The following POGZ variants were observed in gnomAD, a reference collection of about 807,000 sequenced individuals.
POGZ encodes pogo transposable element derived with ZNF domain.
A neutral mutation model predicts 134.6 loss-of-function variants in POGZ; 17 were observed. The ratio of observed to expected loss-of-function variants is 0.13; its 90% CI spans 0.09 to 0.19. The LOEUF (loss-of-function observed/expected upper bound fraction) is 0.19, where lower values mean the gene tolerates loss of function less well. POGZ is among the 10% of genes least tolerant of loss of function. The probability of loss-of-function intolerance (pLI) is 1.00; values close to 1 mark genes in which losing one functional copy is unlikely to be tolerated. For missense variants in POGZ, 1,306 were observed against 1,769.7 expected, an observed-to-expected ratio of 0.74 and a Z score of 4.70; for synonymous variants, 693 against 657.1, an observed-to-expected ratio of 1.05 and a Z score of -0.84.
At chr1:151,418,387 A>G (rs1488299121) in intron 10 of POGZ, among the ~76,000 whole-genome samples, 2 of 152,138 alleles carry the variant, frequency 1.3e-5, no homozygotes, top group Admixed American at 6.6e-5. Context: ...CTAAAAAAAA[A>G]AGTAGATCTC....
chr1:151,408,248 GGA>G lies in POGZ; in HGVS notation c.2235-10_2235-9del. 1 of 1,598,222 alleles carries G rather than the reference GGA, an allele frequency of 6.3e-7. No individual in the cohort carries two copies. Among genetic ancestry groups the G allele is most frequent in the Admixed American group, 1.8e-5 (1 of 54,920 alleles). The stretch of plus-strand genomic sequence containing the variant: ...TGCCGGCCCATGACACTCCTGTGGG[GGA>G]AAAAAAAAAAGAATTCTCATTACTG... On this transcript the variant is annotated splice_polypyrimidine_tract_variant and intron_variant, in intron 14 of 18. Transcript: ENST00000271715.
rs780937855 is a variant in POGZ, at chr1:151,411,646, T to C, written c.1905A>G (p.Gln635=). The change falls in exon 12 of 19, where the codon CAA becomes CAG. Residue 635 remains glutamine (Q), a synonymous_variant. Transcript: ENST00000271715. ...LKVFKNGNAF[Q]QHYMRHQKRN... is the part of the protein sequence containing the mutation. ...GTACCTGGTGCCTCATGTAATGCTGTTGGAATGCATTGCCATTTTTGAAGA... is the reference window on the plus strand; with the variant it reads ...GTACCTGGTGCCTCATGTAATGCTGCTGGAATGCATTGCCATTTTTGAAGA... 3.1e-6 allele frequency: 5 copies of C among 1,611,702 alleles called. No individual in the cohort carries two copies. The East Asian group carries it at 6.7e-5, about 22-fold the overall frequency.
At position 151,441,084 on chromosome 1, in the gene POGZ, A is replaced by C. The variant is rs1445317603; in HGVS notation, c.127T>G (p.Ser43Ala). 6.2e-7 allele frequency: 1 copy of C among 1,613,288 alleles called. No homozygotes were observed. Among genetic ancestry groups the C allele is most frequent in the African/African-American group, 1.3e-5 (1 of 75,044 alleles). ...GCCGAGACTGGCTGCTGGCTCACAG[A>C]AACTGTGGGGAAGGGGAGGCATAGT... ...YNSVDKTTTV[S>A]VSQQPVSAPV... The change falls in exon 3 of 19, where the codon TCT (serine) becomes GCT (alanine). Residue 43 changes from serine to alanine, a missense_variant and splice_region_variant. Around this residue, in one of 10 missense-constraint regions of POGZ, gnomAD observed 541 missense variants for 680.5 expected, o/e 0.80. Transcript: ENST00000271715.
intron 9 of POGZ, 149 bp downstream of exon 9, chr1:151,423,800 T>C: frequency 1.5e-6 from 1 of 679,980 alleles, no homozygotes; most frequent in Non-Finnish European, 2.4e-6. Flanking sequence ...CAATATCTCC[T>C]TCTATAGTCC....
Position 151,405,436 on chromosome 1 carries a change from C to A in POGZ, c.3599G>T (p.Ser1200Ile), listed in dbSNP as rs754348772. The change falls in exon 19 of 19, where the codon AGT (serine) becomes ATT (isoleucine). Residue 1200 changes from serine (S) to isoleucine (I), a missense_variant. Transcript: ENST00000271715. This position sits in a 1 kb window ranked among gnomAD's most constrained non-coding sequence, Gnocchi z 4.9. The part of the protein sequence containing the change: ...ILLEAKESGY[S>I]DDEIMELWST... ...CCACAGCTCCATGATCTCGTCATCA[C>A]TGTAGCCACTCTCCTTTGCCTCTAG... 1 of 1,614,214 alleles carries A rather than the reference C, an allele frequency of 6.2e-7. No homozygotes were observed. The highest frequency in any genetic ancestry group is 8.5e-7 in the Non-Finnish European group (1 of 1,180,034).
chr1:151,437,257 T>A (rs963644983), intron 3 of POGZ, among the ~76,000 whole-genome samples: 16 of 151,796 alleles, frequency 1.1e-4, no homozygotes, highest in Admixed American at 6.6e-4. Flanking sequence ...TTGTGGTTTG[T>A]CTTCTCCGTG....
chr1:151,411,098 AC>A (rs1654585810), intron 12 of POGZ, among the ~76,000 whole-genome samples: 1 of 151,922 alleles, frequency 6.6e-6, no homozygotes, highest in Non-Finnish European at 1.5e-5. Flanking sequence ...TGAACACATC[AC>A]TCCAGGGCTT....
chr1:151,458,799 TG>T (rs1363190306), intron 1 of POGZ, among the ~76,000 whole-genome samples: 1 of 142,344 alleles, frequency 7.0e-6, no homozygotes, highest in African/African-American at 2.5e-5. Context: ...TGCGGGGCCG[TG>T]GGGCGCGAGT....
chr1:151,431,094 T>C (rs1004696553), intron 3 of POGZ, among the ~76,000 whole-genome samples: 1 of 151,892 alleles, frequency 6.6e-6, no homozygotes, highest in Non-Finnish European at 1.5e-5. Flanking sequence ...GAAACAGAAA[T>C]GGTGTCCTAT....
At chr1:151,407,416 C>A in intron 15 of POGZ, 125 bp from the exon 16 acceptor site, 1 of 650,272 alleles carries the variant, frequency 1.5e-6, no homozygotes, top group South Asian at 2.0e-5. Flanking sequence ...TCAACCTAAG[C>A]CAGTTTTCCT....
At chr1:151,421,008 C>T (rs918463810) in intron 10 of POGZ, among the ~76,000 whole-genome samples, 9 of 111,574 alleles carry the variant, frequency 8.1e-5, no homozygotes, top group East Asian at 2.5e-4. Flanking sequence ...TATATATATA[C>T]CTATGATAAA....
intron 1 of POGZ, among the ~76,000 whole-genome samples, chr1:151,443,110 T>C (rs984734423): frequency 2.0e-5 from 3 of 152,198 alleles, no homozygotes; most frequent in African/African-American, 2.4e-5. Flanking sequence ...GTCAAGCAAG[T>C]GCAGGATCGG....
chr1:151,435,800 C>T (rs1659477602), intron 3 of POGZ, among the ~76,000 whole-genome samples: 1 of 151,784 alleles, frequency 6.6e-6, no homozygotes, highest in African/African-American at 2.4e-5. Context: ...GGCCTTGATA[C>T]TTTCTTAAAA....
chr1:151,457,906 G>A (rs546795146), intron 1 of POGZ, among the ~76,000 whole-genome samples: 2 of 145,884 alleles, frequency 1.4e-5, no homozygotes, highest in Middle Eastern at 7.5e-3. Flanking sequence ...CAGCCTGGGC[G>A]ACAAGAGTGA....
chr1:151,439,909 C>G (rs892451064), intron 3 of POGZ, among the ~76,000 whole-genome samples: 1 of 151,940 alleles, frequency 6.6e-6, no homozygotes, highest in Non-Finnish European at 1.5e-5. Context: ...AGCAATATAC[C>G]CTCTTACAAC....
chr1:151,451,255 C>A (rs116039083), intron 1 of POGZ, among the ~76,000 whole-genome samples: 2,784 of 150,628 alleles, frequency 0.018, 85 homozygotes, highest in African/African-American at 0.064. Context: ...CAAGAAAAGC[C>A]AAAAACAATG....
chr1:151,431,236 CAT>C lies in POGZ; in HGVS notation c.284-397_284-396del, dbSNP rs139813688. Among the ~76,000 whole-genome samples the C allele has an allele frequency of 7.3e-3, 1,114 of 152,228 alleles. 13 individuals carry two copies. The highest frequency in any genetic ancestry group is 0.025 in the African/African-American group (1,042 of 41,514). On this transcript the variant is annotated intron_variant, in intron 3 of 18. Transcript: ENST00000271715. ...AGGGGAGGTTCACTAACACTTCACC[CAT>C]ATGTCTTCACTGGGGATGAAAGACA...
At position 151,405,302 on chromosome 1, in the gene POGZ, C is replaced by T; in HGVS notation, c.3733G>A (p.Ala1245Thr). The T allele has an allele frequency of 1.2e-6, 2 of 1,614,204 alleles. No individual in the cohort carries two copies. The highest frequency in any genetic ancestry group is 1.7e-6 in the Non-Finnish European group (2 of 1,180,020). Residue 1245 changes from alanine to threonine, a missense_variant, in exon 19 of 19, where the codon GCC becomes ACC. By Grantham distance (58) the Ala-to-Thr change is moderately conservative. Coordinates refer to ENST00000271715, the MANE Select transcript of POGZ (RefSeq NM_015100.4). This position sits in a 1 kb window ranked among gnomAD's most constrained non-coding sequence, Gnocchi z 4.9. ...ACCACTGCAGGCAAAGTGCTAGAGG[C>T]ACTAAGCATAGCCAGTACCTCTTCT... ...LSEEVLAMLS[A>T]SSTLPAVVPA...
rs2102130449 is a variant in POGZ at position 151,403,361 on chromosome 1, T to C, written c.*1441A>G. 1.0e-6 allele frequency: 1 copy of C among 985,556 alleles called. No homozygotes were observed. Among genetic ancestry groups the C allele is most frequent in the South Asian group, 4.7e-5 (1 of 21,282 alleles). The allele number at this position is 985,556 out of a possible 1,614,324, so 61.1% of individuals were successfully genotyped here. ...GAAAAAAAACAAGTTTATAAATCCATTTCCCCTCATTTTATTAAATGTTCC... is the reference window on the plus strand; with the variant it reads ...GAAAAAAAACAAGTTTATAAATCCACTTCCCCTCATTTTATTAAATGTTCC... On this transcript the variant is annotated 3_prime_UTR_variant, in exon 19 of 19. Transcript: ENST00000271715.
Sources: gnomAD v4.1 joint callset for allele counts (sites outside exome capture counted in the v4.1 genomes callset) on GRCh38, gnomAD v4.1.1 for gene constraint, gnomAD v4.1.1 regional missense constraint, Gnocchi (gnomAD v3.1) non-coding constraint, MANE v1.5 for transcripts, NCBI Gene and HGNC (gene_info 2026-07-23, HGNC 2026-07-21) for gene names.